Variants in SRGAP1 observed in about 807,000 individuals in gnomAD.
SRGAP1 encodes SLIT-ROBO Rho GTPase-activating protein 1.
SRGAP1 carries 43 observed loss-of-function variants against 121.9 expected under a neutral mutation model. The ratio of observed to expected loss-of-function variants is 0.35; its 90% CI spans 0.28 to 0.46. The LOEUF (loss-of-function observed/expected upper bound fraction) is 0.46, where lower values mean the gene tolerates loss of function less well. SRGAP1 is among the 20% of genes least tolerant of loss of function. The probability of loss-of-function intolerance (pLI) is 1.00; values close to 1 mark genes in which losing one functional copy is unlikely to be tolerated. For synonymous variants in SRGAP1, 447 were observed against 485.4 expected, an observed-to-expected ratio of 0.92 and a Z score of 1.04; for missense variants, 1,102 against 1,350.9, an observed-to-expected ratio of 0.82 and a Z score of 2.89.
chr12:64,140,723 AG>A (rs2136653067), intron 21 of SRGAP1, among the ~76,000 whole-genome samples: 1 of 130,104 alleles, frequency 7.7e-6, no homozygotes, highest in South Asian at 3.0e-4. Flanking sequence ...GCGATTCCTC[AG>A]GGATCTAGAA....
chr12:64,023,076 G>A (rs2034583491), intron 4 of SRGAP1, among the ~76,000 whole-genome samples: 1 of 152,006 alleles, frequency 6.6e-6, no homozygotes, highest in Non-Finnish European at 1.5e-5. Context: ...GTGAAATGGG[G>A]ATGGCCCCAG....
At chr12:63,869,932 A>C (rs1003465931) in intron 1 of SRGAP1, among the ~76,000 whole-genome samples, 1 of 152,202 alleles carries the variant, frequency 6.6e-6, no homozygotes, top group East Asian at 1.9e-4. Flanking sequence ...AAAGAAACTC[A>C]AAACTTAGAA....
chr12:63,919,517 TATATACAC>T (rs2030952425), intron 1 of SRGAP1, among the ~76,000 whole-genome samples: 3 of 139,258 alleles, frequency 2.2e-5, no homozygotes, highest in African/African-American at 7.9e-5. Flanking sequence ...TATATATATA[TATATACAC>T]ATACACACAC....
chr12:63,847,173 A>C (rs566585312), intron 1 of SRGAP1, among the ~76,000 whole-genome samples: 25 of 152,096 alleles, frequency 1.6e-4, no homozygotes, highest in Admixed American at 1.2e-3. Context: ...CATCTTTACC[A>C]AAAAATACAA....
At chr12:64,033,601 C>T (rs1398202842) in intron 4 of SRGAP1, among the ~76,000 whole-genome samples, 1 of 152,094 alleles carries the variant, frequency 6.6e-6, no homozygotes, top group African/African-American at 2.4e-5. Flanking sequence ...GCCTGTTATC[C>T]CAGCTACTCT....
At chr12:63,919,387 A>AAT (rs2030939598) in intron 1 of SRGAP1, among the ~76,000 whole-genome samples, 1 of 151,736 alleles carries the variant, frequency 6.6e-6, no homozygotes, top group South Asian at 2.1e-4. Context: ...CTTAACATTT[A>AAT]ATATATATTT....
At chr12:63,969,584 G>A (rs1486810072) in intron 1 of SRGAP1, among the ~76,000 whole-genome samples, 1 of 152,072 alleles carries the variant, frequency 6.6e-6, no homozygotes, top group Admixed American at 6.6e-5. Context: ...ACGAGGTCAG[G>A]AGATTGAGAC....
At chr12:63,990,745 G>A (rs528805907) in intron 3 of SRGAP1, among the ~76,000 whole-genome samples, 1 of 152,272 alleles carries the variant, frequency 6.6e-6, no homozygotes, top group Admixed American at 6.5e-5. Flanking sequence ...AGACCAGAGG[G>A]TAAATGCCTT....
intron 1 of SRGAP1, among the ~76,000 whole-genome samples, chr12:63,906,590 G>A (rs1263590331): frequency 6.6e-6 from 1 of 152,030 alleles, no homozygotes; most frequent in Non-Finnish European, 1.5e-5. Flanking sequence ...TGGGATTACA[G>A]GTGTGAGCCA....
chr12:63,997,780 C>T (rs770361239), intron 3 of SRGAP1, among the ~76,000 whole-genome samples: 15 of 152,040 alleles, frequency 9.9e-5, no homozygotes, highest in Middle Eastern at 3.4e-3. Context: ...GCCTATTCTC[C>T]GGGTCCAATT....
intron 2 of SRGAP1, among the ~76,000 whole-genome samples, chr12:63,989,061 C>A (rs556622777): frequency 6.6e-6 from 1 of 152,302 alleles, no homozygotes; most frequent in African/African-American, 2.4e-5. Flanking sequence ...CCACCCGCCT[C>A]GGCCTCCCAA....
At chr12:64,062,508 A>C (rs777180804) in intron 6 of SRGAP1, among the ~76,000 whole-genome samples, 8 of 151,898 alleles carry the variant, frequency 5.3e-5, no homozygotes, top group Non-Finnish European at 1.0e-4. Context: ...CTCTCTTGAT[A>C]GTGTCTATTT....
chr12:63,979,717 A>T (rs1411721826), intron 1 of SRGAP1, among the ~76,000 whole-genome samples: 4 of 151,838 alleles, frequency 2.6e-5, no homozygotes, highest in African/African-American at 7.3e-5. Context: ...CAAAATGGAA[A>T]CTCAATAATT....
intron 1 of SRGAP1, chr12:63,887,464 G>A (rs1164898161): frequency 6.6e-6 from 1 of 152,262 alleles, no homozygotes; most frequent in African/African-American, 2.4e-5. Flanking sequence ...TGGCAATGGA[G>A]GAAGAAGGAA....
In SRGAP1 at chr12:64,079,018, G is replaced by C; in HGVS notation, c.1225G>C (p.Glu409Gln). The C allele has an allele frequency of 1.2e-6, 2 of 1,614,098 alleles. No individual in the cohort carries two copies. Among genetic ancestry groups the C allele is most frequent in the Non-Finnish European group, 1.7e-6 (2 of 1,179,998 alleles). ...ATGCTTCCAGCACAGTCGTTCCACA[G>C]AATCAGTGAAGTCCACTGTCTCTGA... ...SECFQHSRSTESVKSTVSETY... is the reference protein window; with the variant it reads ...SECFQHSRSTQSVKSTVSETY... The change falls in exon 9 of 22, where the codon GAA becomes CAA. Residue 409 changes from glutamate to glutamine, a missense_variant. This residue lies in a region of SRGAP1 where 747 missense variants were observed against 929.4 expected (regional missense o/e 0.80). Transcript: ENST00000355086.
At chr12:63,995,534 A>G (rs1296133182) in intron 3 of SRGAP1, among the ~76,000 whole-genome samples, 2 of 152,182 alleles carry the variant, frequency 1.3e-5, no homozygotes, top group Non-Finnish European at 2.9e-5. Context: ...ATAGGGTCAG[A>G]AACTTCTGAG....
Position 64,142,408 on chromosome 12 carries a change from C to T in SRGAP1, c.2994C>T (p.Asn998=), listed in dbSNP as rs1259343960. ...TGGATACCCTGGAGCAAGTGAAAAA[C>T]TCTCCCACCCCTGCCACTTCCACGG... ...VVLDTLEQVK[N]SPTPATSTES... Residue 998 remains asparagine, a synonymous_variant, in exon 22 of 22, where the codon AAC becomes AAT. Transcript: ENST00000355086. 1.2e-6 allele frequency: 2 copies of T among 1,614,084 alleles called. No individual in the cohort carries two copies. The highest frequency in any genetic ancestry group is 1.6e-4 in the Middle Eastern group (1 of 6,062).
intron 1 of SRGAP1, among the ~76,000 whole-genome samples, chr12:63,945,165 CACTTTT>C (rs2032002853): frequency 6.6e-6 from 1 of 152,100 alleles, no homozygotes; most frequent in Admixed American, 6.6e-5. Context: ...CTGGACTCAG[CACTTTT>C]ACTTTTAACT....
intron 3 of SRGAP1, among the ~76,000 whole-genome samples, chr12:63,992,660 TACACACACACACACACACACACAC>T (rs59798383): frequency 0.42 from 57,908 of 138,560 alleles, 11,808 homozygotes; most frequent in South Asian, 0.53. Context: ...GCACAGTAAA[TACACACACACACACACACACACAC>T]ACACACACAC....
Sources: allele counts gnomAD v4.1 joint callset (sites outside exome capture counted in the v4.1 genomes callset), GRCh38; gene constraint gnomAD v4.1.1; regional missense constraint gnomAD v4.1.1; transcripts MANE v1.5; gene names NCBI Gene and HGNC (gene_info 2026-07-23, HGNC 2026-07-21).